RBFOX2: variants seen among roughly 807,000 people sequenced by gnomAD.
The protein encoded by RBFOX2 is RNA binding fox-1 homolog 2.
A neutral mutation model predicts 49.1 loss-of-function variants in RBFOX2; 10 were observed. The observed-to-expected ratio is 0.20, with a 90% CI of 0.13 to 0.35. The LOEUF is 0.35. RBFOX2 is among the 10% of genes least tolerant of loss of function. The pLI is 1.00. For missense variants in RBFOX2, 323 were observed against 486.9 expected (o/e 0.66, Z 3.17); for synonymous variants, 183 against 187.4 (o/e 0.98, Z 0.19).
intron 1 of RBFOX2, among the ~76,000 whole-genome samples, chr22:36,004,542 C>A (rs949322030): frequency 2.6e-5 from 4 of 152,058 alleles, no homozygotes; most frequent in African/African-American, 7.2e-5. Flanking sequence ...ACGCCTATAA[C>A]CCCAGCACTT....
chr22:35,840,224 A>G, exon 1 of RBFOX2: 1 of 1,614,142 alleles, frequency 6.2e-7, no homozygotes, highest in Non-Finnish European at 8.5e-7. Context: ...TCCATAAACC[A>G]AACGGATAGA....
intron 1 of RBFOX2, among the ~76,000 whole-genome samples, chr22:35,908,496 G>A (rs1256705301): frequency 2.0e-5 from 3 of 152,060 alleles, no homozygotes; most frequent in African/African-American, 7.2e-5. Flanking sequence ...GTAATTTACT[G>A]AATATTATAA....
At chr22:36,003,655 CA>C (rs1414948678) in intron 1 of RBFOX2, among the ~76,000 whole-genome samples, 1 of 152,082 alleles carries the variant, frequency 6.6e-6, no homozygotes, top group Non-Finnish European at 1.5e-5. Flanking sequence ...AAACTTTAAT[CA>C]GAACAAGGAT....
chr22:36,026,587 C>T (rs908451101), intron 1 of RBFOX2, among the ~76,000 whole-genome samples: 1 of 151,322 alleles, frequency 6.6e-6, no homozygotes, highest in Non-Finnish European at 1.5e-5. Context: ...GTAGAACCTG[C>T]TCACCAGCAC....
At chr22:35,884,442 T>C (rs1569454423) in intron 1 of RBFOX2, among the ~76,000 whole-genome samples, 1 of 152,124 alleles carries the variant, frequency 6.6e-6, no homozygotes, top group Non-Finnish European at 1.5e-5. Context: ...GCAGTCAAGG[T>C]GTTGGCTGGG....
intron 1 of RBFOX2, chr22:35,898,386 A>C: frequency 4.5e-5 from 19 of 422,162 alleles, no homozygotes; most frequent in East Asian, 1.1e-4. Context: ...ACAACCCGGG[A>C]TTGTGCAGCG....
intron 1 of RBFOX2, chr22:35,836,240 T>C (rs535493007): frequency 6.6e-6 from 1 of 152,212 alleles, no homozygotes; most frequent in African/African-American, 2.4e-5. Flanking sequence ...AATCACAGAA[T>C]AGATTCTCTA....
intron 1 of RBFOX2, among the ~76,000 whole-genome samples, chr22:35,934,890 T>C (rs11705304): frequency 0.046 from 7,016 of 152,252 alleles, 257 homozygotes; most frequent in Non-Finnish European, 0.066. Flanking sequence ...ACTAGGAATC[T>C]AAACCACTAC....
intron 1 of RBFOX2, among the ~76,000 whole-genome samples, chr22:36,025,477 A>T (rs2059397176): frequency 6.6e-6 from 1 of 152,150 alleles, no homozygotes; most frequent in African/African-American, 2.4e-5. Context: ...TCCATTCAAT[A>T]TTAGTTCCAT....
chr22:35,997,786 T>A (rs1362712202), intron 1 of RBFOX2: 3 of 151,870 alleles, frequency 2.0e-5, no homozygotes, highest in Non-Finnish European at 4.4e-5. Flanking sequence ...AGCCCAGGAG[T>A]TTGAATCAGC....
intron 1 of RBFOX2, among the ~76,000 whole-genome samples, chr22:35,886,182 T>C (rs1603437233): frequency 6.6e-6 from 1 of 152,086 alleles, no homozygotes; most frequent in Non-Finnish European, 1.5e-5. Flanking sequence ...GTTGAACACT[T>C]TGCTACCCAG....
chr22:35,799,429 C>G (rs1949366970), intron 2 of RBFOX2, among the ~76,000 whole-genome samples: 1 of 152,134 alleles, frequency 6.6e-6, no homozygotes, highest in Non-Finnish European at 1.5e-5. Context: ...AGAGCAGAAG[C>G]TTCTAGCCCA....
At chr22:35,898,529 G>A (rs925124712) in intron 1 of RBFOX2, 10 of 261,098 alleles carry the variant, frequency 3.8e-5, no homozygotes, top group African/African-American at 9.4e-5. Flanking sequence ...AGGCTCAAGC[G>A]ATCCTCTCAC....
At chr22:35,743,277 A>G (rs1336436639) in exon 12 of RBFOX2, 1 of 152,170 alleles carries the variant, frequency 6.6e-6, no homozygotes, top group Non-Finnish European at 1.5e-5. Flanking sequence ...TCACTGGCTT[A>G]TTCACTTTTC....
At chr22:36,026,541 T>TACACACACACACACACACACAC (rs3075271) in intron 1 of RBFOX2, among the ~76,000 whole-genome samples, 1 of 136,564 alleles carries the variant, frequency 7.3e-6, no homozygotes, top group African/African-American at 2.9e-5. Context: ...AATGAATACA[T>TACACACACACACACACACACAC]ACACACACAC....
chr22:35,835,219 A>G (rs1403632130), intron 1 of RBFOX2, among the ~76,000 whole-genome samples: 1 of 152,188 alleles, frequency 6.6e-6, no homozygotes, highest in East Asian at 1.9e-4. Flanking sequence ...GTGAGGAATT[A>G]TGACTTCGGA....
At chr22:35,746,273 G>C (rs532892984) in intron 10 of RBFOX2, among the ~76,000 whole-genome samples, 200 bp downstream of exon 12, 1 of 152,360 alleles carries the variant, frequency 6.6e-6, no homozygotes, top group South Asian at 2.1e-4. Context: ...GAACAAGAAA[G>C]AGGGAGTGGA....
chr22:35,772,539 T>G (rs1445314355), intron 4 of RBFOX2, among the ~76,000 whole-genome samples: 2 of 152,194 alleles, frequency 1.3e-5, no homozygotes, highest in African/African-American at 4.8e-5. Flanking sequence ...TTTCAAGTGC[T>G]AAATGTGACC....
At chr22:35,879,090 G>T (rs2045543990) in intron 1 of RBFOX2, among the ~76,000 whole-genome samples, 1 of 152,152 alleles carries the variant, frequency 6.6e-6, no homozygotes, top group South Asian at 2.1e-4. Context: ...AAGTAAAATG[G>T]CTTTCAAAAG....
Sources: allele counts gnomAD v4.1 joint callset (sites outside exome capture counted in the v4.1 genomes callset), GRCh38; gene constraint gnomAD v4.1.1; transcripts MANE v1.5; gene names NCBI Gene and HGNC (gene_info 2026-07-23, HGNC 2026-07-21).